The following PLEKHO2 variants were observed in gnomAD, a reference collection of about 807,000 sequenced individuals.
The protein encoded by PLEKHO2 is pleckstrin homology domain-containing family O member 2.
Under a neutral mutation model 32.7 loss-of-function variants are expected in PLEKHO2, and 20 were observed. The observed-to-expected ratio is 0.61, with a 90% confidence interval of 0.43 to 0.89. The LOEUF (loss-of-function observed/expected upper bound fraction) is 0.89, where lower values mean the gene tolerates loss of function less well. Ranked by LOEUF, PLEKHO2 falls within the 40% of genes least tolerant of loss-of-function variation. PLEKHO2 has a pLI of 0.00. For missense variants in PLEKHO2, 568 were observed against 621.2 expected, an observed-to-expected ratio of 0.91 and a Z score of 0.91; for synonymous variants, 247 against 246.3, an observed-to-expected ratio of 1.00 and a Z score of -0.03.
chr15:64,850,685 C>T (rs541711801), intron 2 of PLEKHO2, among the ~76,000 whole-genome samples: 1 of 152,348 alleles, frequency 6.6e-6, no homozygotes, highest in South Asian at 2.1e-4. Context: ...GCCCTCACTT[C>T]TTCCCACTTC....
intron 1 of PLEKHO2, among the ~76,000 whole-genome samples, chr15:64,846,405 C>T (rs2084522677): frequency 6.6e-6 from 1 of 152,078 alleles, no homozygotes; most frequent in Non-Finnish European, 1.5e-5. Context: ...CTCCGCCTTC[C>T]TGGCTCAAGG....
chr15:64,857,992 A>G (rs570858561), intron 3 of PLEKHO2, among the ~76,000 whole-genome samples: 1 of 152,304 alleles, frequency 6.6e-6, no homozygotes, highest in African/African-American at 2.4e-5. Context: ...GGGTCACACC[A>G]GCTCTGAGCC....
Position 64,865,931 on chromosome 15 carries a change from A to C in PLEKHO2, c.*43A>C, listed in dbSNP as rs759702481. Reference sequence around the variant, plus strand: ...GCACCATCCCTTCTGGCCATCCATCAAGTCCATCAAGGCCCAGCCCTGCTG... The same window carrying C: ...GCACCATCCCTTCTGGCCATCCATCCAGTCCATCAAGGCCCAGCCCTGCTG... On this transcript the variant is annotated 3_prime_UTR_variant, in exon 6 of 6. Transcript: ENST00000323544. The C allele has an allele frequency of 6.4e-7, 1 of 1,564,836 alleles. No individual in the cohort carries two copies. Among genetic ancestry groups the C allele is most frequent in the East Asian group, 2.3e-5 (1 of 44,424 alleles).
Position 64,866,734 on chromosome 15 carries a change from AACTT to A in PLEKHO2, c.*851_*854del, listed in dbSNP as rs1231274360. The A allele has an allele frequency of 5.8e-6, 1 of 171,022 alleles. No homozygotes were observed. Among genetic ancestry groups the A allele is most frequent in the Non-Finnish European group, 1.3e-5 (1 of 79,084 alleles). The allele number at this position is 171,022 out of a possible 1,614,324, so 10.6% of individuals were successfully genotyped here. On this transcript the variant is annotated 3_prime_UTR_variant, in exon 6 of 6. Coordinates refer to ENST00000323544, the MANE Select transcript of PLEKHO2 (RefSeq NM_025201.5). ...GTGGCTCTGATGTCCACATTAGAAA[AACTT>A]ACTTGTAATGATCATGTCAGCCTTC...
chr15:64,858,811 A>G (rs539276054), intron 3 of PLEKHO2, among the ~76,000 whole-genome samples: 1 of 152,282 alleles, frequency 6.6e-6, no homozygotes, highest in Non-Finnish European at 1.5e-5. Context: ...TTGAAATTGC[A>G]CAATTCAGCG....
At chr15:64,861,648 G>A in intron 5 of PLEKHO2, 73 bp downstream of exon 5, 1 of 1,285,382 alleles carries the variant, frequency 7.8e-7, no homozygotes, top group Non-Finnish European at 1.0e-6. Flanking sequence ...CGGCAGCCAG[G>A]CTTGGGGCCA....
At chr15:64,863,279 G>T (rs887371346) in intron 5 of PLEKHO2, among the ~76,000 whole-genome samples, 1 of 152,154 alleles carries the variant, frequency 6.6e-6, no homozygotes, top group African/African-American at 2.4e-5. Context: ...GGCTGTCCCG[G>T]GGTGCAGGGC....
intron 2 of PLEKHO2, among the ~76,000 whole-genome samples, chr15:64,849,372 T>C (rs1427791885): frequency 1.3e-5 from 2 of 151,986 alleles, no homozygotes; most frequent in Non-Finnish European, 2.9e-5. Context: ...AGTCTCAATC[T>C]CTTGACCTCG....
At chr15:64,845,217 T>C (rs909697430) in intron 1 of PLEKHO2, among the ~76,000 whole-genome samples, 6 of 149,246 alleles carry the variant, frequency 4.0e-5, no homozygotes, top group African/African-American at 1.5e-4. Flanking sequence ...CTGGCTTCTT[T>C]TTTTTTTTTT....
intron 5 of PLEKHO2, among the ~76,000 whole-genome samples, chr15:64,863,317 G>A (rs1465992786): frequency 6.6e-6 from 1 of 152,148 alleles, no homozygotes; most frequent in Non-Finnish European, 1.5e-5. Context: ...GGGACCCAAG[G>A]TCGTGGGAGG....
chr15:64,854,982 G>T lies in PLEKHO2; in HGVS notation c.224G>T (p.Arg75Leu). The change falls in exon 3 of 6, where the codon CGT becomes CTT. Residue 75 changes from arginine to leucine, a missense_variant. Transcript: ENST00000323544. ...LGSYEKCQDL[R>L]ALLKRKHRFI... Reference sequence around the variant, plus strand: ...AGCTATGAGAAGTGCCAGGACCTTCGTGCCCTCCTCAAGCGAAAACACCGC... The same window carrying T: ...AGCTATGAGAAGTGCCAGGACCTTCTTGCCCTCCTCAAGCGAAAACACCGC... The T allele has an allele frequency of 6.2e-7, 1 of 1,608,982 alleles. No homozygotes were observed. Among genetic ancestry groups the T allele is most frequent in the Non-Finnish European group, 8.5e-7 (1 of 1,177,814 alleles).
chr15:64,860,720 A>G (rs145340664), intron 4 of PLEKHO2, among the ~76,000 whole-genome samples: 8 of 152,284 alleles, frequency 5.3e-5, no homozygotes, highest in African/African-American at 1.9e-4. Flanking sequence ...CCTGTGTTAC[A>G]TGTCATGCTC....
intron 1 of PLEKHO2, among the ~76,000 whole-genome samples, chr15:64,842,491 G>A (rs1188724969): frequency 1.3e-5 from 2 of 150,354 alleles, no homozygotes; most frequent in Non-Finnish European, 3.0e-5. Flanking sequence ...ATCGGATCCT[G>A]ACTCTGTGTG....
chr15:64,863,329 C>G (rs832886), intron 5 of PLEKHO2, among the ~76,000 whole-genome samples: 1 of 151,700 alleles, frequency 6.6e-6, no homozygotes, highest in Non-Finnish European at 1.5e-5. Context: ...CGTGGGAGGT[C>G]TGTTTTTGAG....
intron 1 of PLEKHO2, among the ~76,000 whole-genome samples, chr15:64,846,011 G>A (rs1477179731): frequency 2.0e-5 from 3 of 152,204 alleles, no homozygotes; most frequent in African/African-American, 7.2e-5. Context: ...GCAGGGGCTG[G>A]TGGTGCTGTC....
intron 5 of PLEKHO2, 107 bp from the exon 6 acceptor site, chr15:64,864,792 G>A: frequency 1.6e-6 from 2 of 1,246,896 alleles, no homozygotes; most frequent in Non-Finnish European, 2.2e-6. Flanking sequence ...GGGAGCTGGG[G>A]GCCTGGACAA....
chr15:64,864,906 G>A lies in PLEKHO2; in HGVS notation c.491G>A (p.Ser164Asn), dbSNP rs759607026. ...TACCATCCCCCCCACCAGGTGGCCA[G>A]TGCAGCTTCTGACGGTCTTCTGCGC... ...PTRVHLKEVA[S>N]AASDGLLRLD... is the part of the protein sequence containing the mutation. The change falls in exon 6 of 6, where the codon AGT (serine) becomes AAT (asparagine). Residue 164 changes from serine (S) to asparagine (N), a missense_variant. Physicochemically the swap from Ser to Asn is conservative, Grantham distance 46. Coordinates refer to ENST00000323544, the MANE Select transcript of PLEKHO2 (RefSeq NM_025201.5). The A allele has an allele frequency of 4.4e-6, 7 of 1,602,466 alleles. No homozygotes were observed. The highest frequency in any genetic ancestry group is 3.4e-5 in the Admixed American group (2 of 59,212).
intron 1 of PLEKHO2, among the ~76,000 whole-genome samples, chr15:64,845,826 T>A (rs1178284794): frequency 4.0e-5 from 6 of 151,396 alleles, no homozygotes; most frequent in Non-Finnish European, 1.5e-5. Flanking sequence ...AGGTCATGAG[T>A]GGAGAGAGTT....
At chr15:64,846,455 G>A (rs979215997) in intron 1 of PLEKHO2, among the ~76,000 whole-genome samples, 1 of 152,064 alleles carries the variant, frequency 6.6e-6, no homozygotes, top group Non-Finnish European at 1.5e-5. Context: ...TGGGATTACA[G>A]GCGTGCGCCA....
Sources: gnomAD v4.1 joint callset for allele counts (sites outside exome capture counted in the v4.1 genomes callset) on GRCh38, gnomAD v4.1.1 for gene constraint, MANE v1.5 for transcripts, NCBI Gene and HGNC (gene_info 2026-07-23, HGNC 2026-07-21) for gene names.